Variants in COL14A1 observed in about 807,000 individuals in gnomAD.
COL14A1 encodes collagen type XIV alpha 1 chain.
COL14A1 carries 136 observed loss-of-function variants against 230.3 expected under a neutral mutation model. The ratio of observed to expected loss-of-function variants is 0.59; its 90% CI spans 0.51 to 0.68. The LOEUF (loss-of-function observed/expected upper bound fraction) is 0.68. Among genes scored for constraint, COL14A1 ranks in the 30% least tolerant of loss-of-function variants. The pLI, the probability that COL14A1 is intolerant of heterozygous loss-of-function variation, is 0.00. For missense variants in COL14A1, 1,976 were observed against 2,215.8 expected, an observed-to-expected ratio of 0.89 and a Z score of 2.17; for synonymous variants, 792 against 784.1, an observed-to-expected ratio of 1.01 and a Z score of -0.17.
chr8:120,336,111 CA>C (rs1822063404), intron 42 of COL14A1, among the ~76,000 whole-genome samples: 1 of 152,168 alleles, frequency 6.6e-6, no homozygotes, highest in South Asian at 2.1e-4. Context: ...GTGAGGGATA[CA>C]AAAGATCTCA....
At position 120,296,176 on chromosome 8, in the gene COL14A1, G is replaced by GA. The variant is rs931387022; in HGVS notation, c.4237-1326dup. Among the ~76,000 whole-genome samples the GA allele has an allele frequency of 4.7e-5, 7 of 149,680 alleles. No individual in the cohort carries two copies. In the South Asian group the frequency reaches 8.4e-4, roughly 18 times the overall value. On this transcript the variant is annotated intron_variant, in intron 34 of 47. Coordinates refer to ENST00000297848, the MANE Select transcript of COL14A1 (RefSeq NM_021110.4). Reference sequence around the variant, plus strand: ...GTGGAGGGGAACCTTAAACCACCTGGAAAAAAAAAGCAGTGAGCCATGCAC... The same window carrying GA: ...GTGGAGGGGAACCTTAAACCACCTGGAAAAAAAAAAGCAGTGAGCCATGCAC...
At position 120,257,326 on chromosome 8, in the gene COL14A1, A is replaced by G. The variant is rs73327394; in HGVS notation, c.2869+1970A>G. Among the ~76,000 whole-genome samples, 1,430 of 152,298 alleles carry G rather than the reference A, an allele frequency of 9.4e-3. 19 individuals carry two copies. The highest frequency in any genetic ancestry group is 0.032 in the African/African-American group (1,320 of 41,562). On this transcript the variant is annotated intron_variant, in intron 23 of 47. Coordinates refer to ENST00000297848, the MANE Select transcript of COL14A1 (RefSeq NM_021110.4). ...CTTCTCATCAACATTTGTTGCTGAG[A>G]GATTAGATTTGTGAACAAAATTAGC...
intron 1 of COL14A1, among the ~76,000 whole-genome samples, chr8:120,133,706 T>A (rs1814620828): frequency 6.6e-6 from 1 of 152,082 alleles, no homozygotes; most frequent in Non-Finnish European, 1.5e-5. Context: ...ATCAAAGTCA[T>A]GCCAAAGAAG....
intron 23 of COL14A1, among the ~76,000 whole-genome samples, chr8:120,258,311 G>A (rs1432356653): frequency 6.6e-6 from 1 of 152,148 alleles, no homozygotes; most frequent in Non-Finnish European, 1.5e-5. Context: ...AGCTTTAACA[G>A]TCTTGGTGAA....
chr8:120,360,660 T>G (rs913100293), intron 45 of COL14A1, among the ~76,000 whole-genome samples: 12 of 152,346 alleles, frequency 7.9e-5, no homozygotes, highest in African/African-American at 2.6e-4. Flanking sequence ...GCTCTCATAT[T>G]CTGCTGTAGC....
intron 23 of COL14A1, among the ~76,000 whole-genome samples, chr8:120,261,081 A>G (rs547180230): frequency 6.6e-6 from 1 of 152,318 alleles, no homozygotes; most frequent in African/African-American, 2.4e-5. Flanking sequence ...ATATTTCAAA[A>G]TAGCTGGAAA....
chr8:120,148,965 T>G (rs1476845682), intron 2 of COL14A1, among the ~76,000 whole-genome samples: 1 of 152,252 alleles, frequency 6.6e-6, no homozygotes, highest in Non-Finnish European at 1.5e-5. Context: ...GTTTACATAT[T>G]GTCTGTGGCT....
intron 26 of COL14A1, among the ~76,000 whole-genome samples, chr8:120,270,890 T>C (rs1353132222): frequency 6.6e-6 from 1 of 151,770 alleles, no homozygotes; most frequent in African/African-American, 2.4e-5. Flanking sequence ...CAAAGGAATA[T>C]AAATCATTCT....
rs1217469347 is a variant in COL14A1, at chr8:120,255,919, G to A, written c.2869+563G>A. On this transcript the variant is annotated intron_variant, in intron 23 of 47. Coordinates refer to ENST00000297848, the MANE Select transcript of COL14A1 (RefSeq NM_021110.4). The stretch of plus-strand genomic sequence containing the variant: ...TCCACAATTTGGGACTTGTTCCAAG[G>A]CTGAAACAGTAAAAATGTCTCACTG... 2.0e-5 allele frequency among the ~76,000 whole-genome samples: 3 copies of A among 152,096 alleles called. No individual in the cohort carries two copies. In the East Asian group the frequency reaches 5.8e-4, roughly 29 times the overall value.
chr8:120,276,797 C>T (rs187470764), intron 26 of COL14A1, among the ~76,000 whole-genome samples: 9 of 151,426 alleles, frequency 5.9e-5, no homozygotes, highest in Admixed American at 1.3e-4. Context: ...AACAAACCTT[C>T]ACATTGTGCA....
intron 43 of COL14A1, 31 bp from the exon 44 acceptor site, chr8:120,342,349 G>A (rs774049276): frequency 1.2e-6 from 2 of 1,609,606 alleles, no homozygotes; most frequent in Non-Finnish European, 1.7e-6. Context: ...GCTTGTAGCT[G>A]AGTCAGGAGT....
At chr8:120,186,667 G>A (rs1013466964) in intron 5 of COL14A1, among the ~76,000 whole-genome samples, 5 of 152,130 alleles carry the variant, frequency 3.3e-5, no homozygotes, top group African/African-American at 7.2e-5. Context: ...TTCCCAGTGC[G>A]GTAGTGTGGC....
At chr8:120,322,729 G>GTT (rs55890516) in intron 40 of COL14A1, among the ~76,000 whole-genome samples, 101 of 149,680 alleles carry the variant, frequency 6.7e-4, no homozygotes, top group Admixed American at 3.7e-3. Flanking sequence ...ACATGTTCTT[G>GTT]TTTTTTTTTT....
At chr8:120,182,199 A>G (rs1375027220) in intron 5 of COL14A1, among the ~76,000 whole-genome samples, 2 of 152,190 alleles carry the variant, frequency 1.3e-5, no homozygotes, top group African/African-American at 4.8e-5. Context: ...TCATTCTTAA[A>G]ATAACTTTTA....
In COL14A1 at chr8:120,231,467, T is replaced by C; in HGVS notation, c.2198T>C (p.Val733Ala). The stretch of plus-strand genomic sequence containing the variant: ...TAATCCTTGGTTGTGTTTATTCCAG[T>C]TTTCCAGACGGGAATCAGAAACCTA... ...TIVPTTSVTS[V>A]FQTGIRNLVV... is the part of the protein sequence containing the mutation. Residue 733 changes from valine (V) to alanine (A), a missense_variant and splice_region_variant, in exon 19 of 48, where the codon GTT (valine) becomes GCT (alanine). Physicochemically the swap from Val to Ala is moderately conservative, Grantham distance 64. Transcript: ENST00000297848. 6.2e-7 allele frequency: 1 copy of C among 1,612,438 alleles called. No homozygotes were observed. Among genetic ancestry groups the C allele is most frequent in the Non-Finnish European group, 8.5e-7 (1 of 1,179,540 alleles).
chr8:120,361,423 C>T lies in COL14A1; in HGVS notation c.5078-5748C>T, dbSNP rs188338043. The stretch of plus-strand genomic sequence containing the variant: ...GCCCCAGAAACTGGTACTAGTCCTA[C>T]AGACCAGACATGCAGAAATAGCAGA... On this transcript the variant is annotated intron_variant, in intron 45 of 47. Coordinates refer to ENST00000297848, the MANE Select transcript of COL14A1 (RefSeq NM_021110.4). Among the ~76,000 whole-genome samples, 39 of 152,318 alleles carry T rather than the reference C, an allele frequency of 2.6e-4. No individual in the cohort carries two copies. In the East Asian group the frequency reaches 2.9e-3, roughly 11 times the overall value.
At chr8:120,137,578 T>C (rs902330055) in intron 1 of COL14A1, among the ~76,000 whole-genome samples, 4 of 152,108 alleles carry the variant, frequency 2.6e-5, no homozygotes, top group Non-Finnish European at 5.9e-5. Flanking sequence ...TTCTTTTTTA[T>C]ATCAACATTT....
At chr8:120,334,316 C>T (rs1586874097) in intron 42 of COL14A1, among the ~76,000 whole-genome samples, 1 of 152,132 alleles carries the variant, frequency 6.6e-6, no homozygotes, top group South Asian at 2.1e-4. Flanking sequence ...CTAATTTGCA[C>T]ATTCAAATAA....
chr8:120,218,548 A>T (rs7387094), intron 14 of COL14A1, among the ~76,000 whole-genome samples: 27 of 151,916 alleles, frequency 1.8e-4, no homozygotes, highest in Non-Finnish European at 3.1e-4. Flanking sequence ...GACCTCAGGC[A>T]ATCCGCCCGC....
Sources: gnomAD v4.1 joint callset for allele counts (sites outside exome capture counted in the v4.1 genomes callset) on GRCh38, gnomAD v4.1.1 for gene constraint, MANE v1.5 for transcripts, NCBI Gene and HGNC (gene_info 2026-07-23, HGNC 2026-07-21) for gene names.